The following KATNA1 variants were observed in gnomAD, a reference collection of about 807,000 sequenced individuals.
KATNA1 encodes the protein katanin catalytic subunit A1.
Under a neutral mutation model 62.6 loss-of-function variants are expected in KATNA1, and 42 were observed. The ratio of observed to expected loss-of-function variants is 0.67; its 90% CI spans 0.52 to 0.87. The LOEUF (loss-of-function observed/expected upper bound fraction) is 0.87, where lower values mean the gene tolerates loss of function less well. Among genes scored for constraint, KATNA1 ranks in the 40% least tolerant of loss-of-function variants. KATNA1 has a pLI of 0.00. For missense variants in KATNA1, 498 were observed against 612.5 expected (o/e 0.81, Z 1.97); for synonymous variants, 186 against 201.9 (o/e 0.92, Z 0.67).
At chr6:149,618,403 G>A (rs1259429172) in intron 4 of KATNA1, among the ~76,000 whole-genome samples, 1 of 151,948 alleles carries the variant, frequency 6.6e-6, no homozygotes, top group African/African-American at 2.4e-5. Context: ...GCTTGAATCC[G>A]GGAGGTGGAG....
At position 149,607,863 on chromosome 6, in the gene KATNA1, C is replaced by T. The variant is rs369669874; in HGVS notation, c.502-3081G>A. ...GGCAGATCACCTTAGGTCAGTAGTT[C>T]GAGACCAGCCTGGCCAACATGATGA... is the stretch of plus-strand genomic sequence containing the variant. On this transcript the variant is annotated intron_variant, in intron 4 of 10. Transcript: ENST00000367411. 5.0e-4 allele frequency among the ~76,000 whole-genome samples: 76 copies of T among 152,110 alleles called. No homozygotes were observed. The East Asian group carries it at 0.013, about 26-fold the overall frequency.
intron 2 of KATNA1, among the ~76,000 whole-genome samples, chr6:149,633,323 G>A (rs1432651024): frequency 6.6e-6 from 1 of 151,914 alleles, no homozygotes; most frequent in Non-Finnish European, 1.5e-5. Flanking sequence ...TAGCCAGGAT[G>A]GTCTTGATCT....
chr6:149,629,472 G>A (rs1779752308), intron 3 of KATNA1, among the ~76,000 whole-genome samples: 1 of 152,104 alleles, frequency 6.6e-6, no homozygotes, highest in Non-Finnish European at 1.5e-5. Flanking sequence ...AGAAACAAAT[G>A]TATGTTGTTT....
intron 3 of KATNA1, among the ~76,000 whole-genome samples, chr6:149,624,165 T>A (rs564144086): frequency 1.2e-4 from 19 of 152,342 alleles, no homozygotes; most frequent in African/African-American, 4.3e-4. Flanking sequence ...AATGTCCCAA[T>A]GAGCACTTCC....
At chr6:149,604,957 G>A (rs1343198338) in intron 4 of KATNA1, among the ~76,000 whole-genome samples, 175 bp from the exon 5 acceptor site, 5 of 152,060 alleles carry the variant, frequency 3.3e-5, no homozygotes, top group South Asian at 4.1e-4. Flanking sequence ...GGTGGATCAC[G>A]AGGTCAGGAA....
chr6:149,623,077 A>G, intron 4 of KATNA1, 26 bp downstream of exon 4: 1 of 1,490,300 alleles, frequency 6.7e-7, no homozygotes, highest in African/African-American at 1.4e-5. Flanking sequence ...AATAACTTTC[A>G]TTTATAAAAA....
intron 6 of KATNA1, among the ~76,000 whole-genome samples, chr6:149,602,133 G>A (rs552670871): frequency 2.6e-5 from 4 of 152,244 alleles, no homozygotes; most frequent in Middle Eastern, 3.4e-3. Context: ...TTGAGAGGCC[G>A]AGGCAGGCAG....
At chr6:149,633,100 A>AT (rs368739065) in intron 2 of KATNA1, among the ~76,000 whole-genome samples, 184 bp from the exon 3 acceptor site, 50,542 of 120,728 alleles carry the variant, frequency 0.42, 12,098 homozygotes, top group East Asian at 0.78. Flanking sequence ...TTCAATTGCA[A>AT]TTTTTTTTTT....
At position 149,597,131 on chromosome 6, in the gene KATNA1, A is replaced by C; in HGVS notation, c.1209T>G (p.Asp403Glu). 3.1e-6 allele frequency: 5 copies of C among 1,614,170 alleles called. No homozygotes were observed. The highest frequency in any genetic ancestry group is 4.2e-6 in the Non-Finnish European group (5 of 1,179,992). Residue 403 changes from aspartate to glutamate, a missense_variant, in exon 10 of 11, where the codon GAT becomes GAG. By Grantham distance (45) the Asp-to-Glu change is conservative. This residue lies in a region of KATNA1 where 267 missense variants were observed against 372.6 expected (regional missense o/e 0.72). Coordinates refer to ENST00000367411, the MANE Select transcript of KATNA1 (RefSeq NM_007044.4). The part of the protein sequence containing the change: ...ISLRELELAD[D>E]VDLASIAENM... The stretch of plus-strand genomic sequence containing the variant: ...TTTCTGCTATACTTGCAAGGTCAAC[A>C]TCATCAGCCAATTCCAACTCACGTA...
chr6:149,628,474 T>C (rs141847383), intron 3 of KATNA1, among the ~76,000 whole-genome samples: 15 of 152,026 alleles, frequency 9.9e-5, no homozygotes, highest in African/African-American at 3.6e-4. Flanking sequence ...TGTTCTTTAA[T>C]GGTACTAAAA....
intron 4 of KATNA1, among the ~76,000 whole-genome samples, chr6:149,615,788 AC>A (rs1339947467): frequency 6.6e-6 from 1 of 152,134 alleles, no homozygotes; most frequent in Non-Finnish European, 1.5e-5. Context: ...ACACAGTCAG[AC>A]CCTGTCTCTA....
intron 4 of KATNA1, among the ~76,000 whole-genome samples, chr6:149,615,775 G>T (rs937873224): frequency 1.3e-5 from 2 of 151,990 alleles, no homozygotes; most frequent in Admixed American, 6.6e-5. Flanking sequence ...TCCAGCCTGG[G>T]CAACACAGTC....
At chr6:149,648,113 A>AT (rs2114652431) in intron 1 of KATNA1, among the ~76,000 whole-genome samples, 1 of 152,134 alleles carries the variant, frequency 6.6e-6, no homozygotes, top group Non-Finnish European at 1.5e-5. Context: ...GGCCATCGGG[A>AT]TTTTTACCTG....
intron 4 of KATNA1, among the ~76,000 whole-genome samples, chr6:149,614,445 G>A (rs1177226611): frequency 6.6e-6 from 1 of 152,112 alleles, no homozygotes; most frequent in Non-Finnish European, 1.5e-5. Flanking sequence ...TAAAGTCTAG[G>A]AAATTCAAAA....
chr6:149,597,512 G>A lies in KATNA1; in HGVS notation c.1145C>T (p.Pro382Leu), dbSNP rs1778371076. ...CAAGATTGAAAGGAAGATACCTGAC[G>A]GCAAAGGAATATAGATTCGTTTCTC... ...RLEKRIYIPL[P>L]SAKGREELLR... Residue 382 changes from proline (P) to leucine (L), a missense_variant, in exon 9 of 11, where the codon CCG (proline) becomes CTG (leucine). By Grantham distance (98) the Pro-to-Leu change is moderately conservative. This residue lies in a region of KATNA1 where 267 missense variants were observed against 372.6 expected (regional missense o/e 0.72). Transcript: ENST00000367411. 2 of 1,613,834 alleles carry A rather than the reference G, an allele frequency of 1.2e-6. No homozygotes were observed. Among genetic ancestry groups the A allele is most frequent in the Non-Finnish European group, 1.7e-6 (2 of 1,179,894 alleles).
At chr6:149,646,265 A>ATAT (rs1780485229) in intron 1 of KATNA1, among the ~76,000 whole-genome samples, 1 of 152,174 alleles carries the variant, frequency 6.6e-6, no homozygotes, top group Non-Finnish European at 1.5e-5. Flanking sequence ...TAGTAAGAGA[A>ATAT]GACAAACATA....
At chr6:149,617,576 C>T (rs574748988) in intron 4 of KATNA1, among the ~76,000 whole-genome samples, 4 of 151,204 alleles carry the variant, frequency 2.6e-5, no homozygotes, top group South Asian at 2.1e-4. Context: ...CCGAGGCGGG[C>T]GGATCACGAG....
At chr6:149,634,310 T>C (rs1030115633) in intron 2 of KATNA1, among the ~76,000 whole-genome samples, 4 of 150,354 alleles carry the variant, frequency 2.7e-5, no homozygotes, top group Non-Finnish European at 4.4e-5. Flanking sequence ...TAAAATAAAA[T>C]AAAATAAAAT....
intron 2 of KATNA1, among the ~76,000 whole-genome samples, chr6:149,635,278 A>G (rs1780025629): frequency 6.6e-6 from 1 of 152,140 alleles, no homozygotes; most frequent in Non-Finnish European, 1.5e-5. Context: ...CTCTGCCTCC[A>G]AAAAACCCTC....
Sources: gnomAD v4.1 joint callset for allele counts (sites outside exome capture counted in the v4.1 genomes callset) on GRCh38, gnomAD v4.1.1 for gene constraint, gnomAD v4.1.1 regional missense constraint, MANE v1.5 for transcripts, NCBI Gene and HGNC (gene_info 2026-07-23, HGNC 2026-07-21) for gene names.